OTUD7A: variants seen among roughly 807,000 people sequenced by gnomAD.
OTUD7A encodes OTU domain-containing protein 7A.
In OTUD7A, 12 loss-of-function variants were observed where a neutral mutation model predicts 65.7. The observed-to-expected ratio is 0.18, with a 90% confidence interval of 0.12 to 0.30. The LOEUF is 0.30. Ranked by LOEUF, OTUD7A falls within the 10% of genes least tolerant of loss-of-function variation. OTUD7A has a pLI of 1.00. For synonymous variants in OTUD7A, 641 were observed against 586.3 expected, an observed-to-expected ratio of 1.09 and a Z score of -1.35; for missense variants, 1,148 against 1,304.8, an observed-to-expected ratio of 0.88 and a Z score of 1.85.
intron 1 of OTUD7A, among the ~76,000 whole-genome samples, chr15:31,817,349 G>A (rs1896577393): frequency 6.7e-6 from 1 of 150,050 alleles, no homozygotes; most frequent in South Asian, 2.1e-4. Context: ...GGTCAGGACT[G>A]ATTAAAAATA....
chr15:31,798,008 C>A (rs991162778), intron 1 of OTUD7A, among the ~76,000 whole-genome samples: 1 of 152,178 alleles, frequency 6.6e-6, no homozygotes, highest in Non-Finnish European at 1.5e-5. Context: ...CTTTTCACTG[C>A]GTCTTCACAT....
chr15:31,846,244 C>G (rs1897290324), intron 1 of OTUD7A, among the ~76,000 whole-genome samples: 1 of 152,240 alleles, frequency 6.6e-6, no homozygotes, highest in Non-Finnish European at 1.5e-5. Context: ...ATGACTCTTT[C>G]CTGAGCGCTT....
At chr15:31,602,894 A>G (rs1005320337) in intron 3 of OTUD7A, among the ~76,000 whole-genome samples, 1 of 152,216 alleles carries the variant, frequency 6.6e-6, no homozygotes, top group Non-Finnish European at 1.5e-5. Flanking sequence ...AGGGATGTGA[A>G]GGACCTCTTC....
At chr15:31,588,795 G>A (rs1052980071) in intron 3 of OTUD7A, among the ~76,000 whole-genome samples, 1 of 152,224 alleles carries the variant, frequency 6.6e-6, no homozygotes, top group Non-Finnish European at 1.5e-5. Context: ...AACCAGCAGG[G>A]ACAGGGGAAG....
intron 1 of OTUD7A, among the ~76,000 whole-genome samples, chr15:31,848,119 G>A (rs1021244028): frequency 6.6e-6 from 1 of 152,160 alleles, no homozygotes; most frequent in Admixed American, 6.5e-5. Context: ...AGAGTCCCTC[G>A]AAGAACACAC....
chr15:31,532,533 TAAA>T (rs202169622), intron 5 of OTUD7A, among the ~76,000 whole-genome samples: 1 of 147,384 alleles, frequency 6.8e-6, no homozygotes, highest in African/African-American at 2.5e-5. Context: ...AAATTAAACT[TAAA>T]AAAAAAAACA....
chr15:31,709,058 T>C (rs189395570), intron 1 of OTUD7A, among the ~76,000 whole-genome samples: 9 of 151,548 alleles, frequency 5.9e-5, no homozygotes, highest in Admixed American at 5.2e-4. Context: ...TACAAGGTAA[T>C]GCAAAAGACC....
At position 31,570,972 on chromosome 15, in the gene OTUD7A, T is replaced by C. The variant is rs78103544; in HGVS notation, c.152-775A>G. Among the ~76,000 whole-genome samples the C allele has an allele frequency of 7.3e-3, 1,106 of 152,322 alleles. 16 individuals are homozygous for C. Among genetic ancestry groups the C allele is most frequent in the African/African-American group, 0.025 (1,024 of 41,566 alleles). On this transcript the variant is annotated intron_variant, in intron 3 of 12. Coordinates refer to ENST00000307050, the MANE Select transcript of OTUD7A (RefSeq NM_001382637.1). The stretch of plus-strand genomic sequence containing the variant: ...GTTAGGCATCATCCTATAGCACGAT[T>C]GGGCAACTATAGTTAACAATAACTT...
chr15:31,589,275 CTTTTATTTTCTCAT>C (rs1478807485), intron 3 of OTUD7A, among the ~76,000 whole-genome samples: 1 of 149,568 alleles, frequency 6.7e-6, no homozygotes, highest in African/African-American at 2.5e-5. Context: ...TCAGGAGTGA[CTTTTATTTTCTCAT>C]TTTGTTTTTC....
chr15:31,778,110 G>A (rs1160389673), intron 1 of OTUD7A, among the ~76,000 whole-genome samples: 1 of 152,130 alleles, frequency 6.6e-6, no homozygotes, highest in Non-Finnish European at 1.5e-5. Flanking sequence ...CATGGGAATG[G>A]CCGAATGTGC....
intron 3 of OTUD7A, among the ~76,000 whole-genome samples, chr15:31,640,988 T>C (rs1566956391): frequency 6.6e-6 from 1 of 152,164 alleles, no homozygotes; most frequent in African/African-American, 2.4e-5. Flanking sequence ...TAATATCAGG[T>C]ATTGTCAGAC....
intron 3 of OTUD7A, 38 bp downstream of exon 3, chr15:31,655,058 C>T: frequency 6.2e-7 from 1 of 1,603,312 alleles, no homozygotes; most frequent in Non-Finnish European, 8.5e-7. Context: ...GTGGTTATGC[C>T]CAGAATGGTG....
intron 3 of OTUD7A, among the ~76,000 whole-genome samples, chr15:31,643,371 C>T (rs1174797848): frequency 6.6e-6 from 1 of 151,838 alleles, no homozygotes; most frequent in African/African-American, 2.4e-5. Context: ...TTCATGTTCA[C>T]TAACCTTTCT....
chr15:31,666,723 A>C (rs1892331616), intron 1 of OTUD7A, among the ~76,000 whole-genome samples: 1 of 152,048 alleles, frequency 6.6e-6, no homozygotes, highest in Admixed American at 6.6e-5. Flanking sequence ...GTGTGACTTT[A>C]GAATGTCAGT....
rs1266830620 is a variant in OTUD7A, at chr15:31,481,720, ACAAGTAAAAAAAATCC to A, written c.*1558_*1573del. Reference sequence around the variant, plus strand: ...CAATTATTTTATTATAATTTCTCAAACAAGTAAAAAAAATCCCCTCGCCCCCCCTTTTTTTTTGTTT... The same window carrying A: ...CAATTATTTTATTATAATTTCTCAAACCTCGCCCCCCCTTTTTTTTTGTTT... On this transcript the variant is annotated 3_prime_UTR_variant, in exon 13 of 13. Coordinates refer to ENST00000307050, the MANE Select transcript of OTUD7A (RefSeq NM_001382637.1). The A allele has an allele frequency of 1.5e-4, 23 of 152,536 alleles. No individual in the cohort carries two copies. Among genetic ancestry groups the A allele is most frequent in the Admixed American group, 1.1e-3 (17 of 15,278 alleles). The allele number at this position is 152,536 out of a possible 1,614,324, so 9.4% of individuals were successfully genotyped here. A position where few individuals can be genotyped will look rare whatever the true frequency, so the allele number is the denominator to read the frequency against.
chr15:31,594,521 C>G (rs953230604), intron 3 of OTUD7A, among the ~76,000 whole-genome samples: 1 of 152,156 alleles, frequency 6.6e-6, no homozygotes, highest in Non-Finnish European at 1.5e-5. Context: ...CTGCAAGCCA[C>G]CAGGGTCCAG....
chr15:31,761,900 AC>A (rs1894975085), intron 1 of OTUD7A, among the ~76,000 whole-genome samples: 1 of 152,174 alleles, frequency 6.6e-6, no homozygotes, highest in Non-Finnish European at 1.5e-5. Flanking sequence ...GAAGCCAAAC[AC>A]CAAAGATAAT....
intron 3 of OTUD7A, among the ~76,000 whole-genome samples, chr15:31,577,076 G>A (rs555440388): frequency 1.1e-3 from 166 of 152,240 alleles, no homozygotes; most frequent in African/African-American, 3.8e-3. Context: ...ATGACAGATA[G>A]CAGACTCTAA....
At position 31,482,854 on chromosome 15, in the gene OTUD7A, C is replaced by G. The variant is rs1296731418; in HGVS notation, c.*440G>C. On this transcript the variant is annotated 3_prime_UTR_variant, in exon 13 of 13. Transcript: ENST00000307050. The stretch of plus-strand genomic sequence containing the variant: ...CCGCAGCCCCGGGTGCGCGCTCGCT[C>G]TAAGCCCTGGGTACTACCAACCGCG... 5 of 151,826 alleles carry G rather than the reference C, an allele frequency of 3.3e-5. No individual in the cohort carries two copies. The highest frequency in any genetic ancestry group is 1.2e-4 in the African/African-American group (5 of 41,300). The allele number at this position is 151,826 out of a possible 1,614,324, so 9.4% of individuals were successfully genotyped here.
Sources: gnomAD v4.1 joint callset for allele counts (sites outside exome capture counted in the v4.1 genomes callset) on GRCh38, gnomAD v4.1.1 for gene constraint, MANE v1.5 for transcripts, NCBI Gene and HGNC (gene_info 2026-07-23, HGNC 2026-07-21) for gene names.